Variants in STX5 observed in about 807,000 individuals in gnomAD.
The protein encoded by STX5 is syntaxin-5.
Under a neutral mutation model 42.9 loss-of-function variants are expected in STX5, and 15 were observed. That is an observed-to-expected ratio of 0.35 (90% confidence interval 0.23 to 0.54). The LOEUF (loss-of-function observed/expected upper bound fraction) is 0.54, where lower values mean the gene tolerates loss of function less well. STX5 is among the 20% of genes least tolerant of loss of function. The pLI, the probability that STX5 is intolerant of heterozygous loss-of-function variation, is 0.91. For synonymous variants in STX5, 184 were observed against 173.2 expected, an observed-to-expected ratio of 1.06 and a Z score of -0.49; for missense variants, 430 against 455.0, an observed-to-expected ratio of 0.95 and a Z score of 0.50.
At chr11:62,825,826 C>T (rs1357747739) in intron 5 of STX5, among the ~76,000 whole-genome samples, 1 of 152,204 alleles carries the variant, frequency 6.6e-6, no homozygotes, top group Non-Finnish European at 1.5e-5. Flanking sequence ...TTCTGTGAGG[C>T]CATGCTCTTG....
chr11:62,824,257 T>A lies in STX5; in HGVS notation c.817A>T (p.Met273Leu). 28 of 1,614,192 alleles carry A rather than the reference T, an allele frequency of 1.7e-5. No homozygotes were observed. The highest frequency in any genetic ancestry group is 2.4e-5 in the Non-Finnish European group (28 of 1,180,026). ...DSYIQSRADTMQNIESTIVEL... is the reference protein window; with the variant it reads ...DSYIQSRADTLQNIESTIVEL... ...ACAATTGTCGACTCAATGTTCTGCATGGTGTCTGCCCGACTCTGGATGTAG... is the reference window on the plus strand; with the variant it reads ...ACAATTGTCGACTCAATGTTCTGCAAGGTGTCTGCCCGACTCTGGATGTAG... Residue 273 changes from methionine (M) to leucine (L), a missense_variant, in exon 10 of 11, where the codon ATG becomes TTG. Transcript: ENST00000294179.
intron 10 of STX5, among the ~76,000 whole-genome samples, chr11:62,813,342 C>T (rs1424982559): frequency 1.3e-5 from 2 of 152,060 alleles, no homozygotes; most frequent in African/African-American, 4.8e-5. Context: ...ACTCACGGTA[C>T]CTTATAAATG....
intron 7 of STX5, 81 bp from the exon 8 acceptor site, chr11:62,825,198 G>T: frequency 6.2e-7 from 1 of 1,610,830 alleles, no homozygotes; most frequent in South Asian, 1.1e-5. Flanking sequence ...TTGGCCCCAT[G>T]ACCCTGTAGA....
At position 62,807,386 on chromosome 11, in the gene STX5, G is replaced by A; in HGVS notation, c.*83C>T. 6.5e-7 allele frequency: 1 copy of A among 1,547,092 alleles called. No homozygotes were observed. The highest frequency in any genetic ancestry group is 8.7e-7 in the Non-Finnish European group (1 of 1,144,818). On this transcript the variant is annotated 3_prime_UTR_variant, in exon 11 of 11. Coordinates refer to ENST00000294179, the MANE Select transcript of STX5 (RefSeq NM_003164.5). The stretch of plus-strand genomic sequence containing the variant: ...ACAGGGCCTTTCTCCCAAGTACCCT[G>A]CACAGGCTCAGTGGCAGCACTGGCC...
intron 10 of STX5, among the ~76,000 whole-genome samples, chr11:62,815,673 AC>A (rs1730285638): frequency 6.6e-6 from 1 of 151,704 alleles, no homozygotes; most frequent in Admixed American, 6.6e-5. Context: ...AGTAGCTGGG[AC>A]CACAGGCATG....
At chr11:62,830,016 G>T (rs959537132) in intron 2 of STX5, among the ~76,000 whole-genome samples, 6 of 140,660 alleles carry the variant, frequency 4.3e-5, no homozygotes. Context: ...AGTGAGCCGA[G>T]ATTGCACCAT....
At chr11:62,826,124 C>A (rs1279303106) in intron 5 of STX5, among the ~76,000 whole-genome samples, 2 of 152,038 alleles carry the variant, frequency 1.3e-5, no homozygotes, top group African/African-American at 4.8e-5. Flanking sequence ...TGTGGTGGCG[C>A]GCGCCTATAA....
chr11:62,824,033 T>A, intron 10 of STX5, 133 bp downstream of exon 10: 1 of 1,438,716 alleles, frequency 7.0e-7, no homozygotes, highest in Non-Finnish European at 9.5e-7. Flanking sequence ...TGGAAGCAGG[T>A]GAACTGGGTC....
chr11:62,823,416 G>A (rs941457125), intron 10 of STX5, among the ~76,000 whole-genome samples: 2 of 152,074 alleles, frequency 1.3e-5, no homozygotes, highest in African/African-American at 4.8e-5. Flanking sequence ...TCAACTGACT[G>A]TGTGGGCCTC....
chr11:62,814,174 A>T (rs1308210196), intron 10 of STX5, among the ~76,000 whole-genome samples: 1 of 152,156 alleles, frequency 6.6e-6, no homozygotes, highest in Non-Finnish European at 1.5e-5. Context: ...GAATTTAATT[A>T]ATTTACTTGA....
Position 62,827,233 on chromosome 11 carries a change from G to C in STX5, c.353-8C>G. On this transcript the variant is annotated splice_polypyrimidine_tract_variant and splice_region_variant and intron_variant, in intron 4 of 10. Coordinates refer to ENST00000294179, the MANE Select transcript of STX5 (RefSeq NM_003164.5). The stretch of plus-strand genomic sequence containing the variant: ...GGGACTTGCGCTTTGCCACTACAGA[G>C]ACAAACAAGAAGCCACAATGGGTGA... 6.2e-7 allele frequency: 1 copy of C among 1,614,088 alleles called. No individual in the cohort carries two copies. The highest frequency in any genetic ancestry group is 8.5e-7 in the Non-Finnish European group (1 of 1,180,012).
Position 62,807,520 on chromosome 11 carries a change from G to C in STX5, c.1017C>G (p.Ile339Met). 1 of 1,614,160 alleles carries C rather than the reference G, an allele frequency of 6.2e-7. No homozygotes were observed. Among genetic ancestry groups the C allele is most frequent in the Non-Finnish European group, 8.5e-7 (1 of 1,180,026 alleles). The change falls in exon 11 of 11, where the codon ATC becomes ATG. Residue 339 changes from isoleucine to methionine, a missense_variant. Coordinates refer to ENST00000294179, the MANE Select transcript of STX5 (RefSeq NM_003164.5). ...VTSNRWLMVK[I>M]FLILIVFFII... ...TGAAGAAGACAATGAGGATGAGGAAGATTTTGACCATGAGCCACCGGTTGG... is the reference window on the plus strand; with the variant it reads ...TGAAGAAGACAATGAGGATGAGGAACATTTTGACCATGAGCCACCGGTTGG...
chr11:62,816,701 A>G (rs694678), intron 10 of STX5, among the ~76,000 whole-genome samples: 2,756 of 147,110 alleles, frequency 0.019, 90 homozygotes, highest in African/African-American at 0.065. Flanking sequence ...CCTGGCTAAC[A>G]TGGTGAAACC....
intron 5 of STX5, 39 bp from the exon 6 acceptor site, chr11:62,825,578 A>G (rs1285219008): frequency 1.1e-5 from 18 of 1,573,354 alleles, no homozygotes; most frequent in Non-Finnish European, 1.6e-5. Context: ...GTATTAGCCA[A>G]GGAGTCCTTA....
intron 8 of STX5, among the ~76,000 whole-genome samples, 186 bp from the exon 9 acceptor site, chr11:62,824,751 AG>A (rs1192434513): frequency 6.6e-6 from 1 of 152,188 alleles, no homozygotes; most frequent in Non-Finnish European, 1.5e-5. Context: ...GCTTTCTCAA[AG>A]GGTGGTTGTG....
chr11:62,825,429 G>A lies in STX5; in HGVS notation c.534C>T (p.Ser178=), dbSNP rs937250974. The change falls in exon 6 of 11, where the codon TCC becomes TCT. Residue 178 remains serine, a synonymous_variant. Transcript: ENST00000294179. ...CTTCCTCCCCAGGTCCCACCTGCAAGGAGACCACAATGGTGTTGGAGTGGG... is the reference window on the plus strand; with the variant it reads ...CTTCCTCCCCAGGTCCCACCTGCAAAGAGACCACAATGGTGTTGGAGTGGG... ...LQTHSNTIVV[S]LQSKLASMSN... is the part of the protein sequence containing the mutation. The A allele has an allele frequency of 6.2e-7, 1 of 1,614,162 alleles. No individual in the cohort carries two copies. Among genetic ancestry groups the A allele is most frequent in the Non-Finnish European group, 8.5e-7 (1 of 1,180,034 alleles).
chr11:62,824,551 C>G lies in STX5; in HGVS notation c.694G>C (p.Val232Leu), dbSNP rs531466952. 1.6e-4 allele frequency: 255 copies of G among 1,614,132 alleles called. 4 individuals are homozygous for G. The South Asian group carries it at 2.5e-3, about 16-fold the overall frequency. The change falls in exon 9 of 11, where the codon GTT becomes CTT. Residue 232 changes from valine to leucine, a missense_variant. Transcript: ENST00000294179. The stretch of plus-strand genomic sequence containing the variant: ...GAGGCATGGGACTCTGCCCCCAGAA[C>G]CACAGCACCACCGCCTGGGGGAGAA... ...APNHLGGGAV[V>L]LGAESHASKD...
In STX5 at chr11:62,807,579, A is replaced by G; in HGVS notation, c.958T>C (p.Ser320Pro). The G allele has an allele frequency of 6.2e-7, 1 of 1,614,144 alleles. No individual in the cohort carries two copies. The highest frequency in any genetic ancestry group is 8.5e-7 in the Non-Finnish European group (1 of 1,180,008). ...GACTGGAAGTACTTGAGGATCTCTG[A>G]ATGGGCGGCCTCAACGTCCAGCTGG... is the stretch of plus-strand genomic sequence containing the variant. ...GAQLDVEAAH[S>P]EILKYFQSVT... The change falls in exon 11 of 11, where the codon TCA becomes CCA. Residue 320 changes from serine (S) to proline (P), a missense_variant. Transcript: ENST00000294179.
At chr11:62,807,669 G>A (rs763084995) in intron 10 of STX5, 41 bp from the exon 11 acceptor site, 8 of 1,609,228 alleles carry the variant, frequency 5.0e-6, no homozygotes, top group African/African-American at 2.7e-5. Flanking sequence ...AAAGGACACT[G>A]GATTAAAAAG....
Sources: gnomAD v4.1 joint callset for allele counts (sites outside exome capture counted in the v4.1 genomes callset) on GRCh38, gnomAD v4.1.1 for gene constraint, MANE v1.5 for transcripts, NCBI Gene and HGNC (gene_info 2026-07-23, HGNC 2026-07-21) for gene names.